The following KCNIP4 variants were observed in gnomAD, a reference collection of about 807,000 sequenced individuals.
KCNIP4 encodes the protein potassium voltage-gated channel interacting protein 4.
Under a neutral mutation model 34.0 loss-of-function variants are expected in KCNIP4, and 12 were observed. That is an observed-to-expected ratio of 0.35 (90% CI 0.23 to 0.57). The LOEUF is 0.57. Among genes scored for constraint, KCNIP4 ranks in the 20% least tolerant of loss-of-function variants. The probability of loss-of-function intolerance (pLI) is 0.83; values close to 1 mark genes in which losing one functional copy is unlikely to be tolerated. For missense variants in KCNIP4, 238 were observed against 311.7 expected, an observed-to-expected ratio of 0.76 and a Z score of 1.78; for synonymous variants, 124 against 102.2, an observed-to-expected ratio of 1.21 and a Z score of -1.29.
Position 21,475,089 on chromosome 4 carries a change from C to T in KCNIP4, c.61+473482G>A, listed in dbSNP as rs557496021. ...TCAATGCTTTGTTCTATGTTGCCTA[C>T]CTTATATTCTTTACAGTTTTTGTTC... On this transcript the variant is annotated intron_variant, in intron 1 of 8. Coordinates refer to ENST00000382152, the MANE Select transcript of KCNIP4 (RefSeq NM_025221.6). Among the ~76,000 whole-genome samples the T allele has an allele frequency of 4.0e-4, 60 of 151,852 alleles. 1 individual carries two copies. The South Asian group carries it at 0.012, about 30-fold the overall frequency.
intron 1 of KCNIP4, among the ~76,000 whole-genome samples, chr4:20,915,023 TAAG>T (rs1728674127): frequency 6.6e-6 from 1 of 152,216 alleles, no homozygotes; most frequent in Non-Finnish European, 1.5e-5. Flanking sequence ...TAAGAGAGTC[TAAG>T]AAGAAAAACA....
At chr4:20,920,816 C>A (rs1577369165) in intron 1 of KCNIP4, among the ~76,000 whole-genome samples, 1 of 152,002 alleles carries the variant, frequency 6.6e-6, no homozygotes, top group East Asian at 1.9e-4. Context: ...ATGATGAAAC[C>A]CTGTCTTTAC....
chr4:21,508,556 T>C (rs939827907), intron 1 of KCNIP4, among the ~76,000 whole-genome samples: 10 of 152,360 alleles, frequency 6.6e-5, no homozygotes, highest in South Asian at 4.1e-4. Context: ...TAGCTACGTA[T>C]CTAATTAAAT....
At chr4:21,824,380 T>G (rs1013314100) in intron 1 of KCNIP4, among the ~76,000 whole-genome samples, 70 of 152,288 alleles carry the variant, frequency 4.6e-4, no homozygotes, top group African/African-American at 1.6e-3. Context: ...CTGAACTTCC[T>G]AAATTGCTCC....
intron 3 of KCNIP4, among the ~76,000 whole-genome samples, chr4:20,818,366 G>A (rs1351376343): frequency 6.6e-6 from 1 of 152,196 alleles, no homozygotes; most frequent in Non-Finnish European, 1.5e-5. Flanking sequence ...AAGAAGGAAA[G>A]TTAGCATAGA....
At chr4:21,177,439 C>G (rs1577836332) in intron 1 of KCNIP4, among the ~76,000 whole-genome samples, 1 of 152,248 alleles carries the variant, frequency 6.6e-6, no homozygotes, top group East Asian at 1.9e-4. Context: ...TCCTTCAACT[C>G]TCTACTTCAC....
chr4:20,863,983 T>A (rs1013134089), intron 2 of KCNIP4, among the ~76,000 whole-genome samples: 5 of 151,930 alleles, frequency 3.3e-5, no homozygotes, highest in Non-Finnish European at 1.5e-5. Flanking sequence ...TATATACATA[T>A]GTATAACTAG....
At chr4:21,716,338 G>T (rs1223302833) in intron 1 of KCNIP4, among the ~76,000 whole-genome samples, 1 of 152,120 alleles carries the variant, frequency 6.6e-6, no homozygotes, top group Non-Finnish European at 1.5e-5. Context: ...CCGGGTTCAA[G>T]CGATTCTTCT....
At chr4:21,020,933 G>C (rs1231017537) in intron 1 of KCNIP4, among the ~76,000 whole-genome samples, 1 of 152,270 alleles carries the variant, frequency 6.6e-6, no homozygotes, top group Non-Finnish European at 1.5e-5. Context: ...AACTTGCTAA[G>C]ACTTTTAAAT....
At chr4:21,113,502 A>G (rs1191470657) in intron 1 of KCNIP4, among the ~76,000 whole-genome samples, 3 of 151,226 alleles carry the variant, frequency 2.0e-5, no homozygotes, top group African/African-American at 7.3e-5. Flanking sequence ...CTCAGTGGGA[A>G]AAATGGAAAG....
chr4:20,864,056 A>G (rs1577274437), intron 2 of KCNIP4, among the ~76,000 whole-genome samples: 1 of 127,986 alleles, frequency 7.8e-6, no homozygotes, highest in African/African-American at 3.3e-5. Flanking sequence ...ATGTATGTAT[A>G]CACATGTATG....
At chr4:21,731,184 G>A (rs1367896187) in intron 1 of KCNIP4, among the ~76,000 whole-genome samples, 1 of 151,630 alleles carries the variant, frequency 6.6e-6, no homozygotes, top group African/African-American at 2.4e-5. Flanking sequence ...AATAACAGAG[G>A]TCCATTATGG....
chr4:21,476,145 C>T (rs187072177), intron 1 of KCNIP4, among the ~76,000 whole-genome samples: 197 of 152,148 alleles, frequency 1.3e-3, no homozygotes, highest in Non-Finnish European at 2.5e-3. Flanking sequence ...TTTTTATCTT[C>T]GCTCAAGAGT....
intron 1 of KCNIP4, among the ~76,000 whole-genome samples, chr4:21,285,986 C>A (rs1763099813): frequency 1.3e-5 from 2 of 152,168 alleles, no homozygotes; most frequent in Non-Finnish European, 2.9e-5. Context: ...AGAAATGAGA[C>A]AAACTCTAAA....
At chr4:21,519,695 C>CGT (rs1306710998) in intron 1 of KCNIP4, among the ~76,000 whole-genome samples, 1 of 133,630 alleles carries the variant, frequency 7.5e-6, no homozygotes, top group Non-Finnish European at 1.6e-5. Context: ...TATATACACA[C>CGT]GTGTGTGTAT....
At chr4:21,794,018 C>A (rs1237799115) in intron 1 of KCNIP4, among the ~76,000 whole-genome samples, 1 of 152,114 alleles carries the variant, frequency 6.6e-6, no homozygotes, top group Non-Finnish European at 1.5e-5. Context: ...ATCATTCTCA[C>A]AAGGACAGAA....
chr4:20,883,538 G>A (rs993701910), intron 1 of KCNIP4, among the ~76,000 whole-genome samples: 2 of 152,084 alleles, frequency 1.3e-5, no homozygotes, highest in African/African-American at 4.8e-5. Flanking sequence ...TACCCACCCT[G>A]AGGTCTCAGA....
intron 1 of KCNIP4, among the ~76,000 whole-genome samples, chr4:21,181,813 T>C (rs1436160083): frequency 6.6e-6 from 1 of 152,182 alleles, no homozygotes; most frequent in Non-Finnish European, 1.5e-5. Flanking sequence ...TAACATTCTC[T>C]GTGGGAACAT....
chr4:21,632,424 C>T (rs1745830449), intron 1 of KCNIP4, among the ~76,000 whole-genome samples: 1 of 151,988 alleles, frequency 6.6e-6, no homozygotes, highest in Admixed American at 6.6e-5. Flanking sequence ...GGGGTTTCAC[C>T]ATGTTGCCCA....
Sources: gnomAD v4.1 joint callset for allele counts (sites outside exome capture counted in the v4.1 genomes callset) on GRCh38, gnomAD v4.1.1 for gene constraint, MANE v1.5 for transcripts, NCBI Gene and HGNC (gene_info 2026-07-23, HGNC 2026-07-21) for gene names.